PCDH9: variants seen among roughly 807,000 people sequenced by gnomAD.
The protein encoded by PCDH9 is protocadherin 9, also known as protocadherin-9.
PCDH9 carries 24 observed loss-of-function variants against 70.6 expected under a neutral mutation model. The ratio of observed to expected loss-of-function variants is 0.34; its 90% CI spans 0.25 to 0.48. The LOEUF is 0.48. Ranked by LOEUF, PCDH9 falls within the 20% of genes least tolerant of loss-of-function variation. The pLI is 0.99. For missense variants in PCDH9, 1,281 were observed against 1,503.6 expected (o/e 0.85, Z 2.45); for synonymous variants, 562 against 558.5 (o/e 1.01, Z -0.09).
intron 4 of PCDH9, among the ~76,000 whole-genome samples, chr13:66,431,306 A>C (rs1316278864): frequency 1.3e-5 from 2 of 152,092 alleles, no homozygotes; most frequent in African/African-American, 4.8e-5. Flanking sequence ...TGGCTCACTT[A>C]ATTGGTACAT....
chr13:66,663,272 A>C (rs1317005170), intron 3 of PCDH9, among the ~76,000 whole-genome samples: 3 of 152,182 alleles, frequency 2.0e-5, no homozygotes, highest in African/African-American at 2.4e-5. Flanking sequence ...ATCCAAAGTA[A>C]AACAAAATAA....
intron 4 of PCDH9, among the ~76,000 whole-genome samples, chr13:66,487,708 G>A (rs1958967640): frequency 1.3e-5 from 2 of 152,064 alleles, no homozygotes; most frequent in African/African-American, 2.4e-5. Context: ...TCCCTATCAA[G>A]TTATGATTTT....
chr13:66,783,051 G>A (rs965967987), intron 3 of PCDH9, among the ~76,000 whole-genome samples: 1 of 152,090 alleles, frequency 6.6e-6, no homozygotes, highest in African/African-American at 2.4e-5. Flanking sequence ...AGGCCGTTTA[G>A]CTTGTTGAAG....
At chr13:67,042,081 G>A (rs147878812) in intron 2 of PCDH9, among the ~76,000 whole-genome samples, 20 of 152,118 alleles carry the variant, frequency 1.3e-4, no homozygotes, top group South Asian at 2.1e-4. Flanking sequence ...GGGGTGTTTC[G>A]TAAGTCTGGA....
intron 3 of PCDH9, among the ~76,000 whole-genome samples, chr13:66,756,586 A>T (rs1354677282): frequency 6.6e-6 from 1 of 152,160 alleles, no homozygotes; most frequent in Non-Finnish European, 1.5e-5. Context: ...CTACAGCTGC[A>T]TGCCATGGGA....
intron 4 of PCDH9, among the ~76,000 whole-genome samples, chr13:66,354,166 C>T (rs1956341382): frequency 6.6e-6 from 1 of 151,934 alleles, no homozygotes; most frequent in African/African-American, 2.4e-5. Flanking sequence ...TTTAACTTTA[C>T]CCAAAGAGGA....
chr13:66,409,834 G>T (rs1957341163), intron 4 of PCDH9, among the ~76,000 whole-genome samples: 1 of 152,178 alleles, frequency 6.6e-6, no homozygotes, highest in Non-Finnish European at 1.5e-5. Context: ...ACGTTAGCTA[G>T]TCCTGCTGGT....
chr13:66,815,187 A>G (rs2080580021), intron 3 of PCDH9, among the ~76,000 whole-genome samples: 1 of 152,142 alleles, frequency 6.6e-6, no homozygotes. Flanking sequence ...AACATCACCA[A>G]TCAATAGAAA....
intron 3 of PCDH9, among the ~76,000 whole-genome samples, chr13:66,831,216 A>G (rs57666105): frequency 0.032 from 4,913 of 152,240 alleles, 271 homozygotes; most frequent in African/African-American, 0.11. Flanking sequence ...CTCAAAGTGT[A>G]TTACTATTAT....
At chr13:66,394,906 A>G (rs1012460064) in intron 4 of PCDH9, among the ~76,000 whole-genome samples, 1 of 152,186 alleles carries the variant, frequency 6.6e-6, no homozygotes, top group Non-Finnish European at 1.5e-5. Context: ...GAATGAAAAC[A>G]AATTATTGTG....
chr13:66,786,080 A>G (rs1429341103), intron 3 of PCDH9, among the ~76,000 whole-genome samples: 1 of 152,120 alleles, frequency 6.6e-6, no homozygotes, highest in Non-Finnish European at 1.5e-5. Flanking sequence ...ATCCATACTC[A>G]TACTGTTCTG....
At chr13:66,623,641 T>A (rs907078377) in intron 4 of PCDH9, among the ~76,000 whole-genome samples, 22 of 152,202 alleles carry the variant, frequency 1.4e-4, no homozygotes, top group Admixed American at 2.0e-4. Context: ...GGTCTTGTTA[T>A]GTTGCTCAGC....
Position 66,828,810 on chromosome 13 carries a change from A to AAAAAAAAAAAAAAAAATAAT in PCDH9, c.3138+74693_3138+74694insATTATTTTTTTTTTTTTTTT, listed in dbSNP as rs71207607. On this transcript the variant is annotated intron_variant, in intron 3 of 4. Transcript: ENST00000377865. ...TAAATTTTGTTGTAAGCCATACATA[A>AAAAAAAAAAAAAAAAATAAT]AATAATAATAATAATAATAATAATA... Among the ~76,000 whole-genome samples, 66 of 148,658 alleles carry AAAAAAAAAAAAAAAAATAAT rather than the reference A, an allele frequency of 4.4e-4. 1 individual carries two copies. Among genetic ancestry groups the AAAAAAAAAAAAAAAAATAAT allele is most frequent in the African/African-American group, 1.6e-3 (64 of 40,600 alleles).
chr13:66,574,800 A>G (rs1031579463), intron 4 of PCDH9, among the ~76,000 whole-genome samples: 1 of 152,172 alleles, frequency 6.6e-6, no homozygotes, highest in Non-Finnish European at 1.5e-5. Context: ...TGCTTCATAG[A>G]AGCTGGCCTT....
chr13:66,425,948 G>A (rs905074950), intron 4 of PCDH9, among the ~76,000 whole-genome samples: 11 of 151,492 alleles, frequency 7.3e-5, no homozygotes, highest in African/African-American at 2.7e-4. Flanking sequence ...CAGCCAAAAG[G>A]GATGGAGACA....
At chr13:67,069,808 A>T (rs1217216814) in intron 2 of PCDH9, among the ~76,000 whole-genome samples, 1 of 152,262 alleles carries the variant, frequency 6.6e-6, no homozygotes, top group East Asian at 1.9e-4. Context: ...ATTGATAAAG[A>T]ATTTTTGGTA....
chr13:66,873,940 C>CTTTTTTT (rs528441546), intron 3 of PCDH9, among the ~76,000 whole-genome samples: 3 of 111,128 alleles, frequency 2.7e-5, no homozygotes, highest in African/African-American at 6.6e-5. Flanking sequence ...TTCTTTCTTT[C>CTTTTTTT]TTTTTTTTTT....
intron 3 of PCDH9, among the ~76,000 whole-genome samples, chr13:66,762,437 A>G (rs933944902): frequency 6.6e-6 from 1 of 152,032 alleles, no homozygotes; most frequent in African/African-American, 2.4e-5. Flanking sequence ...TTAAGGACCA[A>G]GGCAAAATCC....
intron 3 of PCDH9, among the ~76,000 whole-genome samples, chr13:66,884,347 T>C (rs1354058144): frequency 6.6e-6 from 1 of 152,174 alleles, no homozygotes; most frequent in East Asian, 1.9e-4. Flanking sequence ...ATCTGCAATA[T>C]AGTAATTAGC....
Sources: allele counts gnomAD v4.1 joint callset (sites outside exome capture counted in the v4.1 genomes callset), GRCh38; gene constraint gnomAD v4.1.1; transcripts MANE v1.5; gene names NCBI Gene and HGNC (gene_info 2026-07-23, HGNC 2026-07-21).